Variants in MAGI2 observed in about 807,000 individuals in gnomAD.
MAGI2 encodes the protein membrane-associated guanylate kinase, WW and PDZ domain-containing protein 2.
A neutral mutation model predicts 133.3 loss-of-function variants in MAGI2; 35 were observed. The ratio of observed to expected loss-of-function variants is 0.26; its 90% CI spans 0.20 to 0.35. The LOEUF (loss-of-function observed/expected upper bound fraction) is 0.35, where lower values mean the gene tolerates loss of function less well. Among genes scored for constraint, MAGI2 ranks in the 10% least tolerant of loss-of-function variants. The pLI is 1.00. For synonymous variants in MAGI2, 729 were observed against 710.6 expected (o/e 1.03, Z -0.41); for missense variants, 1,636 against 1,863.4 (o/e 0.88, Z 2.25).
chr7:78,866,126 G>A (rs948725772), intron 2 of MAGI2, among the ~76,000 whole-genome samples: 8 of 152,016 alleles, frequency 5.3e-5, no homozygotes, highest in Admixed American at 2.0e-4. Flanking sequence ...TTATTATTAC[G>A]GACTGCTGAA....
rs936003461 is a variant in MAGI2, at chr7:79,247,701, C to A, written c.301+205319G>T. Among the ~76,000 whole-genome samples the A allele has an allele frequency of 3.3e-5, 5 of 151,950 alleles. No homozygotes were observed. The South Asian group carries it at 8.3e-4, about 25-fold the overall frequency. On this transcript the variant is annotated intron_variant, in intron 1 of 21. Transcript: ENST00000354212. ...ATACAAATAGAAACCACAAAAAGTT[C>A]AAAAATGGGGGTGGGAGAAAGTTAC...
rs139030894 is a variant in MAGI2 at position 79,121,981 on chromosome 7, C to A, written c.302-114775G>T. 4.6e-3 allele frequency among the ~76,000 whole-genome samples: 706 copies of A among 152,178 alleles called. 6 individuals are homozygous for A. The highest frequency in any genetic ancestry group is 0.016 in the African/African-American group (678 of 41,526). On this transcript the variant is annotated intron_variant, in intron 1 of 21. Transcript: ENST00000354212. ...TTTCATACTTTCAAAAGTTGGTATT[C>A]AGTAGCTATATCACTTTGTATTCCC... is the stretch of plus-strand genomic sequence containing the variant.
chr7:78,654,125 T>C (rs1811878649), intron 2 of MAGI2, among the ~76,000 whole-genome samples: 1 of 152,188 alleles, frequency 6.6e-6, no homozygotes. Flanking sequence ...ACTTACTTTG[T>C]GTATCTGCAT....
At chr7:78,893,775 T>C (rs1255606786) in intron 2 of MAGI2, among the ~76,000 whole-genome samples, 2 of 152,092 alleles carry the variant, frequency 1.3e-5, no homozygotes, top group African/African-American at 4.8e-5. Flanking sequence ...TACCTAATGT[T>C]AAATGACGAG....
In MAGI2 at chr7:78,019,127, T is replaced by A. The variant is rs1000336546; in HGVS notation, c.*188A>T. ...GGAACCGGGGGCTTTAGGATCAGTT[T>A]AGGTCTGCGCGTTGATGCGATGCCG... On this transcript the variant is annotated 3_prime_UTR_variant, in exon 22 of 22. Transcript: ENST00000354212. 1 of 622,942 alleles carries A rather than the reference T, an allele frequency of 1.6e-6. No individual in the cohort carries two copies. Among genetic ancestry groups the A allele is most frequent in the Non-Finnish European group, 2.7e-6 (1 of 372,686 alleles). The allele number at this position is 622,942 out of a possible 1,614,324, so 38.6% of individuals were successfully genotyped here.
At chr7:78,894,937 A>G (rs1447711783) in intron 2 of MAGI2, among the ~76,000 whole-genome samples, 1 of 152,206 alleles carries the variant, frequency 6.6e-6, no homozygotes, top group Non-Finnish European at 1.5e-5. Context: ...AAGTAAACAG[A>G]AAACATCTGC....
At chr7:79,133,198 G>C (rs1821094186) in intron 1 of MAGI2, among the ~76,000 whole-genome samples, 2 of 152,022 alleles carry the variant, frequency 1.3e-5, no homozygotes, top group African/African-American at 4.8e-5. Context: ...TTTGCTTTTG[G>C]TGTCTTAGTC....
At chr7:78,854,592 T>C (rs577788392) in intron 2 of MAGI2, among the ~76,000 whole-genome samples, 57 of 152,140 alleles carry the variant, frequency 3.7e-4, no homozygotes, top group Non-Finnish European at 7.1e-4. Flanking sequence ...CATATTCAGT[T>C]CCTTAGTAAA....
intron 21 of MAGI2, among the ~76,000 whole-genome samples, chr7:78,044,017 A>C (rs11760590): frequency 0.067 from 10,153 of 152,234 alleles, 344 homozygotes; most frequent in South Asian, 0.077. Context: ...CTATTTTCCC[A>C]GGGTAGCATG....
chr7:78,425,825 G>A (rs1799225687), intron 6 of MAGI2, among the ~76,000 whole-genome samples: 1 of 152,180 alleles, frequency 6.6e-6, no homozygotes, highest in African/African-American at 2.4e-5. Context: ...AAAATATACT[G>A]CCCTAGCAAA....
chr7:78,577,172 T>A (rs1444175138), intron 3 of MAGI2, among the ~76,000 whole-genome samples: 1 of 152,186 alleles, frequency 6.6e-6, no homozygotes, highest in Non-Finnish European at 1.5e-5. Context: ...TTGGAAATAA[T>A]AAATATACAG....
intron 1 of MAGI2, among the ~76,000 whole-genome samples, chr7:79,198,730 T>TA (rs569855623): frequency 0.027 from 4,106 of 151,262 alleles, 84 homozygotes; most frequent in East Asian, 0.04. Flanking sequence ...CTACTGAAAA[T>TA]AAAAAAAATT....
intron 9 of MAGI2, among the ~76,000 whole-genome samples, chr7:78,325,075 C>T (rs1186017193): frequency 6.6e-6 from 1 of 152,180 alleles, no homozygotes; most frequent in Non-Finnish European, 1.5e-5. Context: ...CCAAAAATAA[C>T]TGATTTAAAG....
At chr7:79,230,437 A>T (rs1046780197) in intron 1 of MAGI2, among the ~76,000 whole-genome samples, 31 of 151,558 alleles carry the variant, frequency 2.0e-4, no homozygotes, top group African/African-American at 7.5e-4. Flanking sequence ...ATTTCTCCAC[A>T]TCCTCTCCAG....
At chr7:78,188,657 C>A (rs1392652258) in intron 12 of MAGI2, among the ~76,000 whole-genome samples, 2 of 152,110 alleles carry the variant, frequency 1.3e-5, no homozygotes, top group Non-Finnish European at 2.9e-5. Flanking sequence ...CATCGGACAC[C>A]AGCAGTGTTC....
At chr7:79,244,383 T>C (rs1481310058) in intron 1 of MAGI2, among the ~76,000 whole-genome samples, 1 of 152,204 alleles carries the variant, frequency 6.6e-6, no homozygotes, top group African/African-American at 2.4e-5. Flanking sequence ...ATTGAATTGC[T>C]GACACTACCC....
intron 6 of MAGI2, among the ~76,000 whole-genome samples, chr7:78,401,377 C>T (rs1796845646): frequency 6.6e-6 from 1 of 152,128 alleles, no homozygotes; most frequent in Admixed American, 6.6e-5. Flanking sequence ...ACTTGCATTT[C>T]TTTGGTAATG....
intron 1 of MAGI2, among the ~76,000 whole-genome samples, chr7:79,265,563 C>T (rs747288809): frequency 3.7e-4 from 56 of 151,996 alleles, no homozygotes; most frequent in Non-Finnish European, 6.5e-4. Flanking sequence ...TGATAGTGTA[C>T]GTGCTTATAT....
intron 2 of MAGI2, among the ~76,000 whole-genome samples, chr7:78,848,730 C>T (rs901317833): frequency 6.6e-6 from 1 of 151,994 alleles, no homozygotes; most frequent in Non-Finnish European, 1.5e-5. Flanking sequence ...AGTTTCAAGG[C>T]TATTTTTCTT....
Sources: gnomAD v4.1 joint callset for allele counts (sites outside exome capture counted in the v4.1 genomes callset) on GRCh38, gnomAD v4.1.1 for gene constraint, MANE v1.5 for transcripts, NCBI Gene and HGNC (gene_info 2026-07-23, HGNC 2026-07-21) for gene names.